Variants in KIFC3 observed in about 807,000 individuals in gnomAD.
KIFC3 encodes the protein kinesin family member C3.
Under a neutral mutation model 101.8 loss-of-function variants are expected in KIFC3, and 60 were observed. The ratio of observed to expected loss-of-function variants is 0.59; its 90% CI spans 0.48 to 0.73. The LOEUF (loss-of-function observed/expected upper bound fraction) is 0.73, where lower values mean the gene tolerates loss of function less well. Among genes scored for constraint, KIFC3 ranks in the 30% least tolerant of loss-of-function variants. KIFC3 has a pLI of 0.00. For missense variants in KIFC3, 966 were observed against 1,137.1 expected (o/e 0.85, Z 2.16); for synonymous variants, 476 against 482.7 (o/e 0.99, Z 0.18).
chr16:57,785,434 G>A (rs868963395), intron 3 of KIFC3: 1 of 1,262,726 alleles, frequency 7.9e-7, no homozygotes, highest in Non-Finnish European at 1.0e-6. Context: ...GTGGGCAGTG[G>A]CCTCTGCCCA....
chr16:57,796,591 C>T (rs1462204502), intron 2 of KIFC3, among the ~76,000 whole-genome samples: 4 of 152,188 alleles, frequency 2.6e-5, no homozygotes, highest in African/African-American at 7.2e-5. Flanking sequence ...GCAGGCACGG[C>T]GCTTGCATTT....
chr16:57,759,068 T>C (rs2049480701), intron 19 of KIFC3, 57 bp downstream of exon 19: 1 of 1,544,876 alleles, frequency 6.5e-7, no homozygotes, highest in Non-Finnish European at 8.7e-7. Context: ...AGCGCAGCCC[T>C]GCAACCCACT....
chr16:57,790,040 T>A (rs1166416420), intron 3 of KIFC3, among the ~76,000 whole-genome samples: 2 of 147,864 alleles, frequency 1.4e-5, no homozygotes, highest in Non-Finnish European at 3.0e-5. Context: ...CCTGGCCATT[T>A]TTTTTTGCTT....
At chr16:57,793,517 C>T (rs1314508958) in intron 3 of KIFC3, among the ~76,000 whole-genome samples, 3 of 150,592 alleles carry the variant, frequency 2.0e-5, no homozygotes, top group Admixed American at 6.6e-5. Flanking sequence ...CACTGGAATC[C>T]GGGAGGCGGA....
In KIFC3 at chr16:57,817,027, G is replaced by A. The variant is rs558225813; in HGVS notation, c.109-18745C>T. 9 of 321,458 alleles carry A rather than the reference G, an allele frequency of 2.8e-5. No homozygotes were observed. The East Asian group carries it at 4.3e-4, about 15-fold the overall frequency. The allele number at this position is 321,458 out of a possible 1,614,324, so 19.9% of individuals were successfully genotyped here. The stretch of plus-strand genomic sequence containing the variant: ...GCATTCATTTCCTGGGGCTGCCGTC[G>A]CAAACTGCCACAAACTGCATGGCTT... On this transcript the variant is annotated intron_variant, in intron 1 of 2. Transcript: ENST00000563028.
intron 3 of KIFC3, among the ~76,000 whole-genome samples, chr16:57,780,735 C>T (rs1231624776): frequency 3.3e-5 from 4 of 121,778 alleles, no homozygotes; most frequent in Non-Finnish European, 4.8e-5. Flanking sequence ...AGTGCAGTGG[C>T]GCAATCTTGG....
At chr16:57,803,040 CT>C (rs1174276326), upstream of KIFC3, 2 of 1,535,734 alleles carry the variant, frequency 1.3e-6, no homozygotes, top group Admixed American at 2.0e-5. Context: ...AGCGCACACG[CT>C]CTCACTCGCT....
chr16:57,778,671 A>C (rs1217954698), intron 3 of KIFC3, among the ~76,000 whole-genome samples: 1 of 152,260 alleles, frequency 6.6e-6, no homozygotes, highest in Non-Finnish European at 1.5e-5. Flanking sequence ...ACATGAAAAG[A>C]TATTTAATAT....
chr16:57,811,781 T>C (rs2055080409), intron 1 of KIFC3, among the ~76,000 whole-genome samples: 1 of 151,810 alleles, frequency 6.6e-6, no homozygotes, highest in Admixed American at 6.6e-5. Flanking sequence ...CCGGGCATGG[T>C]GGCATAAGCT....
At chr16:57,773,754 G>A (rs1171514154) in intron 3 of KIFC3, 1 of 152,240 alleles carries the variant, frequency 6.6e-6, no homozygotes, top group African/African-American at 2.4e-5. Flanking sequence ...TTGGGGGTGT[G>A]TGTAAAATCT....
At chr16:57,829,494 A>G (rs35531799) in intron 1 of KIFC3, among the ~76,000 whole-genome samples, 19,528 of 152,202 alleles carry the variant, frequency 0.13, 1,353 homozygotes, top group South Asian at 0.18. Flanking sequence ...GGCTCCAGTG[A>G]TCCTTCTGCC....
intron 17 of KIFC3, chr16:57,760,061 C>G (rs1471355572): frequency 1.6e-6 from 1 of 627,342 alleles, no homozygotes; most frequent in Non-Finnish European, 2.8e-6. Context: ...TGTGCCACCC[C>G]CACGGCCAGC....
chr16:57,821,143 AG>A lies in KIFC3; in HGVS notation c.109-22862del, dbSNP rs201180772. On this transcript the variant is annotated intron_variant, in intron 1 of 2. Transcript: ENST00000563028. Reference sequence around the variant, plus strand: ...AAGCCTGTGTATTAAAAAAAAAAAAAGGGAGGACTATGGAGTCACAGATAAA... The same window carrying A: ...AAGCCTGTGTATTAAAAAAAAAAAAAGGAGGACTATGGAGTCACAGATAAA... Among the ~76,000 whole-genome samples the A allele has an allele frequency of 2.5e-4, 38 of 149,976 alleles. 2 individuals carry two copies. The highest frequency in any genetic ancestry group is 6.7e-4 in the Admixed American group (10 of 14,996).
intron 1 of KIFC3, among the ~76,000 whole-genome samples, chr16:57,837,660 A>C (rs1028838256): frequency 1.3e-5 from 2 of 152,158 alleles, no homozygotes; most frequent in African/African-American, 4.8e-5. Context: ...TGTTCTGGGC[A>C]GGTGTGGGCA....
At chr16:57,855,119 CTTT>C (rs1229988962) in intron 1 of KIFC3, among the ~76,000 whole-genome samples, 38 of 105,064 alleles carry the variant, frequency 3.6e-4, no homozygotes, top group African/African-American at 9.5e-4. Context: ...CCATTTCTTT[CTTT>C]TTTTTTTTTT....
chr16:57,767,184 C>T (rs1376070118), intron 9 of KIFC3, among the ~76,000 whole-genome samples, 199 bp from the exon 10 acceptor site: 6 of 152,286 alleles, frequency 3.9e-5, no homozygotes, highest in South Asian at 4.1e-4. Flanking sequence ...GAAACTGAGC[C>T]GCAGACACTA....
rs781939860 is a variant in KIFC3 at position 57,771,162 on chromosome 16, T to G, written c.765+36A>C. ...GCCCTGCCCCAGGTGCCAGGGGCCT[T>G]GGGCTGAGGCACAGATCAGGTGGGC... On this transcript the variant is annotated intron_variant, in intron 6 of 19. Coordinates refer to ENST00000445690, the MANE Select transcript of KIFC3 (RefSeq NM_001130100.2). 2.5e-6 allele frequency: 4 copies of G among 1,604,640 alleles called. No individual in the cohort carries two copies. In the South Asian group the frequency reaches 4.4e-5, roughly 18 times the overall value.
chr16:57,767,401 T>C (rs967518271), intron 9 of KIFC3, among the ~76,000 whole-genome samples: 2 of 152,168 alleles, frequency 1.3e-5, no homozygotes, highest in Admixed American at 1.3e-4. Context: ...ATCTAACTCA[T>C]GAATCTGTAA....
At position 57,761,125 on chromosome 16, in the gene KIFC3, A is replaced by C. The variant is rs1242627072; in HGVS notation, c.1919T>G (p.Leu640Arg). Residue 640 changes from leucine (L) to arginine (R), a missense_variant, in exon 15 of 20, where the codon CTG (leucine) becomes CGG (arginine). This residue lies in a region of KIFC3 where 689 missense variants were observed against 884.6 expected (regional missense o/e 0.78). Transcript: ENST00000445690. ...GTGCGAGCGGGAGCTGTGCTCGTTC[A>C]GGTTGGTGAACTCGGTCGTGCGATT... is the stretch of plus-strand genomic sequence containing the variant. ...HTNRTTEFTN[L>R]NEHSSRSHAL... 2 of 1,613,894 alleles carry C rather than the reference A, an allele frequency of 1.2e-6. No homozygotes were observed. The highest frequency in any genetic ancestry group is 1.7e-6 in the Non-Finnish European group (2 of 1,179,984).
Sources: gnomAD v4.1 joint callset for allele counts (sites outside exome capture counted in the v4.1 genomes callset) on GRCh38, gnomAD v4.1.1 for gene constraint, gnomAD v4.1.1 regional missense constraint, MANE v1.5 for transcripts, NCBI Gene and HGNC (gene_info 2026-07-23, HGNC 2026-07-21) for gene names.